Variants in MACROD2 observed in about 807,000 individuals in gnomAD.
MACROD2 encodes ADP-ribose glycohydrolase MACROD2.
A neutral mutation model predicts 70.4 loss-of-function variants in MACROD2; 36 were observed. The observed-to-expected ratio is 0.51, with a 90% CI of 0.39 to 0.68. MACROD2 has a LOEUF of 0.68. Ranked by LOEUF, MACROD2 falls within the 30% of genes least tolerant of loss-of-function variation. The probability of loss-of-function intolerance (pLI) is 0.00; values close to 1 mark genes in which losing one functional copy is unlikely to be tolerated. For synonymous variants in MACROD2, 172 were observed against 178.8 expected, an observed-to-expected ratio of 0.96 and a Z score of 0.30; for missense variants, 496 against 538.4, an observed-to-expected ratio of 0.92 and a Z score of 0.78.
At chr20:15,284,889 T>A (rs1327351169) in intron 6 of MACROD2, among the ~76,000 whole-genome samples, 1 of 152,172 alleles carries the variant, frequency 6.6e-6, no homozygotes, top group Non-Finnish European at 1.5e-5. Context: ...ACAAAAACAA[T>A]GTTTAATAAA....
chr20:14,458,470 A>G (rs2084329752), intron 3 of MACROD2, among the ~76,000 whole-genome samples: 1 of 152,106 alleles, frequency 6.6e-6, no homozygotes, highest in Non-Finnish European at 1.5e-5. Context: ...GATGAGTTAT[A>G]TAGATTTACA....
At chr20:15,599,255 G>A (rs2048786432) in intron 8 of MACROD2, among the ~76,000 whole-genome samples, 1 of 152,010 alleles carries the variant, frequency 6.6e-6, no homozygotes. Context: ...AGCCGGGCAT[G>A]GTGGAGCACG....
chr20:14,959,241 C>A (rs61212887), intron 5 of MACROD2, among the ~76,000 whole-genome samples: 21,439 of 152,108 alleles, frequency 0.14, 1,838 homozygotes, highest in East Asian at 0.33. Flanking sequence ...AAGAGATTCT[C>A]CTGCCTCAGC....
At chr20:15,149,686 G>A (rs531120239) in intron 5 of MACROD2, among the ~76,000 whole-genome samples, 1 of 152,150 alleles carries the variant, frequency 6.6e-6, no homozygotes, top group Admixed American at 6.5e-5. Flanking sequence ...AAGTATTAGG[G>A]CGGCAGCAGC....
intron 8 of MACROD2, among the ~76,000 whole-genome samples, chr20:15,520,957 C>T (rs914134963): frequency 6.6e-6 from 1 of 152,180 alleles, no homozygotes; most frequent in Admixed American, 6.5e-5. Context: ...CTTCAGCCAG[C>T]CTTTCATTCT....
At chr20:15,094,450 A>G (rs73096030) in intron 5 of MACROD2, among the ~76,000 whole-genome samples, 93 of 152,300 alleles carry the variant, frequency 6.1e-4, no homozygotes, top group African/African-American at 2.2e-3. Flanking sequence ...GTTTTCCTTA[A>G]AATTATTTTT....
chr20:14,788,580 C>CTA, intron 5 of MACROD2, among the ~76,000 whole-genome samples: 1 of 73,268 alleles, frequency 1.4e-5, no homozygotes, highest in African/African-American at 5.6e-5. Context: ...GATCACATCT[C>CTA]AAAAAAAAAA....
chr20:14,257,530 C>G (rs891510905), intron 3 of MACROD2, among the ~76,000 whole-genome samples: 1 of 151,866 alleles, frequency 6.6e-6, no homozygotes, highest in Middle Eastern at 3.2e-3. Context: ...AATTTTTTCA[C>G]TATAGATGAA....
intron 8 of MACROD2, among the ~76,000 whole-genome samples, chr20:15,546,614 G>T (rs2048029266): frequency 6.6e-6 from 1 of 152,162 alleles, no homozygotes; most frequent in African/African-American, 2.4e-5. Context: ...ATATTGAAAT[G>T]GACACTCAAA....
At chr20:15,553,380 G>A (rs753761070) in intron 8 of MACROD2, among the ~76,000 whole-genome samples, 1 of 152,136 alleles carries the variant, frequency 6.6e-6, no homozygotes, top group Non-Finnish European at 1.5e-5. Flanking sequence ...GTTCACCCCT[G>A]TTTCTCAACA....
chr20:15,348,990 T>C (rs2078197647), intron 6 of MACROD2, among the ~76,000 whole-genome samples: 1 of 152,214 alleles, frequency 6.6e-6, no homozygotes, highest in South Asian at 2.1e-4. Context: ...ACATTCTGCT[T>C]TTTCTAATCA....
intron 5 of MACROD2, among the ~76,000 whole-genome samples, chr20:14,833,941 A>G (rs1303874546): frequency 6.6e-6 from 1 of 152,058 alleles, no homozygotes; most frequent in African/African-American, 2.4e-5. Flanking sequence ...ATGAGGCTCT[A>G]TTTTCTTAAA....
chr20:14,566,348 G>T (rs758982351), intron 4 of MACROD2, among the ~76,000 whole-genome samples: 11 of 151,912 alleles, frequency 7.2e-5, no homozygotes, highest in Admixed American at 4.6e-4. Context: ...GATCACTTGA[G>T]CCCAGGAGTT....
chr20:14,872,919 AT>A (rs2073505789), intron 5 of MACROD2, among the ~76,000 whole-genome samples: 1 of 152,144 alleles, frequency 6.6e-6, no homozygotes. Context: ...AGGAGAATGA[AT>A]GCAGGAGGAA....
intron 4 of MACROD2, among the ~76,000 whole-genome samples, chr20:14,662,789 C>T (rs1986288951): frequency 6.6e-6 from 1 of 152,102 alleles, no homozygotes; most frequent in South Asian, 2.1e-4. Context: ...AATGAGATAC[C>T]ATCTCACACC....
chr20:14,069,325 C>CT (rs1033221482), intron 2 of MACROD2, among the ~76,000 whole-genome samples: 6 of 151,970 alleles, frequency 3.9e-5, no homozygotes, highest in African/African-American at 7.3e-5. Flanking sequence ...CTTAGATTTC[C>CT]TTTTTTTCCT....
intron 5 of MACROD2, among the ~76,000 whole-genome samples, chr20:14,815,335 TA>T (rs1361857642): frequency 6.6e-6 from 1 of 152,080 alleles, no homozygotes; most frequent in African/African-American, 2.4e-5. Flanking sequence ...AAAGTTATCT[TA>T]AAAGTAGATG....
chr20:15,283,444 G>A (rs1387895797), intron 6 of MACROD2, among the ~76,000 whole-genome samples: 1 of 152,168 alleles, frequency 6.6e-6, no homozygotes, highest in East Asian at 1.9e-4. Context: ...AGGCCGAGGT[G>A]AGTGGATCAC....
At position 15,250,248 on chromosome 20, in the gene MACROD2, T is replaced by G. The variant is rs117638511; in HGVS notation, c.540+20187T>G. Among the ~76,000 whole-genome samples the G allele has an allele frequency of 2.6e-4, 40 of 152,328 alleles. No individual in the cohort carries two copies. In the East Asian group the frequency reaches 5.0e-3, roughly 19 times the overall value. On this transcript the variant is annotated intron_variant, in intron 6 of 17. Coordinates refer to ENST00000684519, the MANE Select transcript of MACROD2 (RefSeq NM_001351661.2). ...TCTGCTAGGATGAGTCTCTGATTAG[T>G]GTTTTTTGCCCCAGGTATTATTTTG...
Sources: allele counts gnomAD v4.1 joint callset (sites outside exome capture counted in the v4.1 genomes callset), GRCh38; gene constraint gnomAD v4.1.1; transcripts MANE v1.5; gene names NCBI Gene and HGNC (gene_info 2026-07-23, HGNC 2026-07-21).